MYO3A: variants seen among roughly 807,000 people sequenced by gnomAD.
The protein encoded by MYO3A is myosin IIIA.
In MYO3A, 180 loss-of-function variants were observed where a neutral mutation model predicts 192.7. The observed-to-expected ratio is 0.93, with a 90% CI of 0.83 to 1.06. The LOEUF is 1.06. Ranked by LOEUF, MYO3A falls within the 50% of genes least tolerant of loss-of-function variation. The pLI is 0.00. For missense variants in MYO3A, 1,896 were observed against 1,905.0 expected, an observed-to-expected ratio of 1.00 and a Z score of 0.09; for synonymous variants, 628 against 645.3, an observed-to-expected ratio of 0.97 and a Z score of 0.41.
chr10:26,114,915 A>G (rs1410460840), intron 17 of MYO3A, among the ~76,000 whole-genome samples: 1 of 152,238 alleles, frequency 6.6e-6, no homozygotes, highest in Non-Finnish European at 1.5e-5. Context: ...GGGTGGAAAA[A>G]TGAACACCCC....
chr10:26,013,654 A>C, intron 6 of MYO3A, among the ~76,000 whole-genome samples: 1 of 152,116 alleles, frequency 6.6e-6, no homozygotes, highest in East Asian at 1.9e-4. Flanking sequence ...GGGAATACTT[A>C]CACGCTGCTG....
intron 26 of MYO3A, among the ~76,000 whole-genome samples, chr10:26,162,559 T>G (rs1200090185): frequency 6.6e-6 from 1 of 152,254 alleles, no homozygotes; most frequent in Non-Finnish European, 1.5e-5. Context: ...TTGATTCTTA[T>G]GATTTTCCTC....
chr10:25,953,986 A>T (rs946134769), intron 3 of MYO3A, among the ~76,000 whole-genome samples: 1 of 152,178 alleles, frequency 6.6e-6, no homozygotes, highest in Non-Finnish European at 1.5e-5. Context: ...TTACTCTTAC[A>T]TATTTTTAAT....
At chr10:26,094,652 C>T (rs1029938238) in intron 15 of MYO3A, among the ~76,000 whole-genome samples, 1 of 152,072 alleles carries the variant, frequency 6.6e-6, no homozygotes, top group African/African-American at 2.4e-5. Flanking sequence ...TCTCGATCTC[C>T]TGACCTTGTG....
At chr10:26,127,838 A>G (rs1839306499) in intron 19 of MYO3A, among the ~76,000 whole-genome samples, 2 of 151,882 alleles carry the variant, frequency 1.3e-5, no homozygotes. Flanking sequence ...GTAAAAATAA[A>G]TCCCTATGTA....
chr10:26,096,741 T>A, intron 17 of MYO3A, 59 bp downstream of exon 17: 1 of 1,183,812 alleles, frequency 8.4e-7, no homozygotes, highest in South Asian at 1.2e-5. Context: ...TCACTAATGT[T>A]AAGAGCATTT....
chr10:25,945,264 T>C (rs1363617707), intron 2 of MYO3A, among the ~76,000 whole-genome samples: 1 of 152,124 alleles, frequency 6.6e-6, no homozygotes, highest in Non-Finnish European at 1.5e-5. Context: ...TTTAAATTCA[T>C]TAAGGCTTGT....
chr10:26,048,323 TTAGG>T (rs906108424), intron 10 of MYO3A, among the ~76,000 whole-genome samples: 1 of 151,996 alleles, frequency 6.6e-6, no homozygotes, highest in Non-Finnish European at 1.5e-5. Context: ...TACTTTGCAG[TTAGG>T]TAGTATACAT....
At chr10:26,071,124 G>A (rs957859278) in intron 14 of MYO3A, among the ~76,000 whole-genome samples, 3 of 151,948 alleles carry the variant, frequency 2.0e-5, no homozygotes, top group Admixed American at 2.0e-4. Flanking sequence ...CAAAGTTGGA[G>A]GATTCATGCA....
At chr10:26,132,282 A>T (rs1465356185) in intron 20 of MYO3A, among the ~76,000 whole-genome samples, 1 of 152,214 alleles carries the variant, frequency 6.6e-6, no homozygotes, top group East Asian at 1.9e-4. Flanking sequence ...AGAATCCCAC[A>T]TGAGAAATGT....
intron 17 of MYO3A, 141 bp from the exon 18 acceptor site, chr10:26,120,535 G>GATCT: frequency 9.3e-7 from 1 of 1,077,192 alleles, no homozygotes; most frequent in Non-Finnish European, 1.4e-6. Flanking sequence ...AGCCTACTTG[G>GATCT]ATCTCAGTGT....
At chr10:26,203,237 A>G (rs1843757591) in intron 34 of MYO3A, 130 bp downstream of exon 34, 1 of 1,064,262 alleles carries the variant, frequency 9.4e-7, no homozygotes, top group African/African-American at 1.6e-5. Context: ...TTGGAGTGAT[A>G]TGGTGTTTAA....
At position 26,195,901 on chromosome 10, in the gene MYO3A, G is replaced by T. The variant is rs143231164; in HGVS notation, c.4545+2590G>T. Among the ~76,000 whole-genome samples the T allele has an allele frequency of 2.6e-5, 4 of 152,318 alleles. No homozygotes were observed. In the East Asian group the frequency reaches 7.7e-4, roughly 29 times the overall value. Reference sequence around the variant, plus strand: ...TTGGTGTGGCTTCCACGAGGTCAAGGAGTTTGCCTATTGCATTCAACCTGA... The same window carrying T: ...TTGGTGTGGCTTCCACGAGGTCAAGTAGTTTGCCTATTGCATTCAACCTGA... On this transcript the variant is annotated intron_variant, in intron 32 of 34. Transcript: ENST00000642920.
chr10:26,074,816 T>C (rs756778367), intron 14 of MYO3A, among the ~76,000 whole-genome samples: 3 of 151,950 alleles, frequency 2.0e-5, no homozygotes, highest in Non-Finnish European at 4.4e-5. Context: ...TCATTGCCAA[T>C]GCCAATGTCC....
At chr10:26,147,393 CA>C (rs1489134011) in intron 22 of MYO3A, 36 bp from the exon 23 acceptor site, 2 of 1,579,332 alleles carry the variant, frequency 1.3e-6, no homozygotes, top group Non-Finnish European at 1.7e-6. Context: ...ATGACAATGA[CA>C]TTGATTGTGA....
chr10:26,067,421 C>G (rs1347290912), intron 11 of MYO3A, among the ~76,000 whole-genome samples: 3 of 152,080 alleles, frequency 2.0e-5, no homozygotes, highest in African/African-American at 7.2e-5. Flanking sequence ...GTGGGAGTCT[C>G]AAAGATATGA....
chr10:26,083,977 A>T (rs1030512945), intron 14 of MYO3A, among the ~76,000 whole-genome samples: 10 of 152,222 alleles, frequency 6.6e-5, no homozygotes, highest in Non-Finnish European at 1.5e-5. Context: ...AATGGAAATC[A>T]CAGCAAGACC....
intron 15 of MYO3A, among the ~76,000 whole-genome samples, chr10:26,092,144 G>C (rs1279989707): frequency 6.6e-6 from 1 of 152,212 alleles, no homozygotes; most frequent in Non-Finnish European, 1.5e-5. Context: ...TGAAAGTGTT[G>C]TTTTACGAAT....
intron 32 of MYO3A, among the ~76,000 whole-genome samples, chr10:26,196,856 T>A (rs928495325): frequency 1.3e-5 from 2 of 152,218 alleles, no homozygotes; most frequent in Non-Finnish European, 2.9e-5. Context: ...ATGTGATATT[T>A]CGATACAAGC....
Sources: gnomAD v4.1 joint callset for allele counts (sites outside exome capture counted in the v4.1 genomes callset) on GRCh38, gnomAD v4.1.1 for gene constraint, MANE v1.5 for transcripts, NCBI Gene and HGNC (gene_info 2026-07-23, HGNC 2026-07-21) for gene names.